Variants in NLGN1 observed in about 807,000 individuals in gnomAD.
The protein encoded by NLGN1 is neuroligin 1, also known as neuroligin-1.
NLGN1 carries 12 observed loss-of-function variants against 65.5 expected under a neutral mutation model. The observed-to-expected ratio is 0.18, with a 90% CI of 0.12 to 0.30. The LOEUF (loss-of-function observed/expected upper bound fraction) is 0.30, where lower values mean the gene tolerates loss of function less well. Ranked by LOEUF, NLGN1 falls within the 10% of genes least tolerant of loss-of-function variation. The probability of loss-of-function intolerance (pLI) is 1.00; values close to 1 mark genes in which losing one functional copy is unlikely to be tolerated. For missense variants in NLGN1, 750 were observed against 1,007.1 expected (o/e 0.74, Z 3.46); for synonymous variants, 350 against 359.5 (o/e 0.97, Z 0.30).
At chr3:173,437,268 T>C (rs140337486) in intron 2 of NLGN1, among the ~76,000 whole-genome samples, 1 of 152,170 alleles carries the variant, frequency 6.6e-6, no homozygotes, top group Admixed American at 6.6e-5. Flanking sequence ...GCTGTTGGTA[T>C]TGTCTGTCAC....
intron 4 of NLGN1, among the ~76,000 whole-genome samples, chr3:173,918,781 C>G (rs1490088302): frequency 6.0e-5 from 9 of 149,682 alleles, no homozygotes; most frequent in African/African-American, 2.2e-4. Flanking sequence ...TTTCCCATTG[C>G]TGTTGTAACA....
intron 4 of NLGN1, among the ~76,000 whole-genome samples, chr3:173,886,756 A>C (rs1315334588): frequency 6.6e-6 from 1 of 152,076 alleles, no homozygotes; most frequent in Non-Finnish European, 1.5e-5. Context: ...CCTAGAGGGA[A>C]GAGTGGCCTC....
chr3:173,600,200 T>TCACACACACACACACACACAC (rs1187383560), intron 2 of NLGN1, among the ~76,000 whole-genome samples: 2 of 145,100 alleles, frequency 1.4e-5, no homozygotes, highest in Non-Finnish European at 3.0e-5. Context: ...TACATGTGTG[T>TCACACACACACACACACACAC]ACACACACAC....
At position 174,191,205 on chromosome 3, in the gene NLGN1, CAAGATATTCATATGT is replaced by C. The variant is rs1732334176; in HGVS notation, c.647-84107_647-84093del. ...CTTTCAAGATTCCACAAGTTTATTGCAAGATATTCATATGTAAATTAACAGACCTGTGTAGTGATC... is the reference window on the plus strand; with the variant it reads ...CTTTCAAGATTCCACAAGTTTATTGCAAATTAACAGACCTGTGTAGTGATC... On this transcript the variant is annotated intron_variant, in intron 4 of 6. Transcript: ENST00000457714. Among the ~76,000 whole-genome samples the C allele has an allele frequency of 2.6e-5, 4 of 152,036 alleles. No homozygotes were observed. The South Asian group carries it at 8.3e-4, about 32-fold the overall frequency.
chr3:173,595,513 C>G (rs1749313802), intron 2 of NLGN1, among the ~76,000 whole-genome samples: 1 of 152,182 alleles, frequency 6.6e-6, no homozygotes, highest in Non-Finnish European at 1.5e-5. Flanking sequence ...AAGTTCCAAA[C>G]TTTCCTACAT....
intron 2 of NLGN1, among the ~76,000 whole-genome samples, chr3:173,574,024 C>G (rs1053524358): frequency 1.5e-5 from 2 of 135,502 alleles, no homozygotes; most frequent in South Asian, 2.3e-4. Context: ...GATGGCATCA[C>G]TGCACTCCAG....
At chr3:174,042,282 G>A (rs747856582) in intron 4 of NLGN1, among the ~76,000 whole-genome samples, 2 of 151,932 alleles carry the variant, frequency 1.3e-5, no homozygotes, top group Admixed American at 1.3e-4. Flanking sequence ...GTTTAAGAAA[G>A]CTTTGTCTAG....
intron 4 of NLGN1, among the ~76,000 whole-genome samples, chr3:174,073,660 G>A (rs2152538141): frequency 6.6e-6 from 1 of 152,254 alleles, no homozygotes; most frequent in South Asian, 2.1e-4. Context: ...TTGGTTGAAA[G>A]TATCACAGTT....
intron 3 of NLGN1, among the ~76,000 whole-genome samples, chr3:173,647,875 A>C (rs1442233835): frequency 2.6e-5 from 4 of 152,142 alleles, no homozygotes; most frequent in African/African-American, 4.8e-5. Context: ...ATAGAAAAGT[A>C]TTGTTGAGAT....
chr3:174,031,434 C>A (rs1361047241), intron 4 of NLGN1, among the ~76,000 whole-genome samples: 2 of 152,020 alleles, frequency 1.3e-5, no homozygotes, highest in Non-Finnish European at 2.9e-5. Context: ...TGCCAATGAT[C>A]AACAGATATT....
At chr3:173,634,013 T>C (rs1326015911) in intron 3 of NLGN1, among the ~76,000 whole-genome samples, 1 of 152,152 alleles carries the variant, frequency 6.6e-6, no homozygotes, top group Non-Finnish European at 1.5e-5. Context: ...GCCTAAGTAA[T>C]TCTCTACTAG....
chr3:173,945,869 G>A (rs1747048615), intron 4 of NLGN1, among the ~76,000 whole-genome samples: 1 of 152,180 alleles, frequency 6.6e-6, no homozygotes, highest in African/African-American at 2.4e-5. Flanking sequence ...GAAAGGACAA[G>A]GATGAGTTGC....
chr3:173,821,545 T>G (rs1396412634), intron 4 of NLGN1, among the ~76,000 whole-genome samples: 1 of 152,194 alleles, frequency 6.6e-6, no homozygotes, highest in Non-Finnish European at 1.5e-5. Flanking sequence ...CCTTAAAATA[T>G]ACCACAATTT....
chr3:174,104,371 G>A (rs1713250525), intron 4 of NLGN1, among the ~76,000 whole-genome samples: 1 of 152,068 alleles, frequency 6.6e-6, no homozygotes, highest in African/African-American at 2.4e-5. Flanking sequence ...TTTATACTAT[G>A]ATTCAGATGT....
Position 173,747,801 on chromosome 3 carries a change from C to CTTTTTTTTTTTTTTTTTTTTT in NLGN1, c.494-59869_494-59849dup, listed in dbSNP as rs749749824. 1.0e-3 allele frequency among the ~76,000 whole-genome samples: 65 copies of CTTTTTTTTTTTTTTTTTTTTT among 64,420 alleles called. 16 individuals carry two copies. The highest frequency in any genetic ancestry group is 3.3e-3 in the African/African-American group (53 of 16,098). 42.3% of individuals were successfully genotyped at this position (64,420 alleles called of 152,430 possible). A position where few individuals can be genotyped will look rare whatever the true frequency, so the allele number is the denominator to read the frequency against. On this transcript the variant is annotated intron_variant, in intron 3 of 6. Transcript: ENST00000457714. The stretch of plus-strand genomic sequence containing the variant: ...AATTTTCTTTCTTCTTCTTCTTGTT[C>CTTTTTTTTTTTTTTTTTTTTT]TTTTTTTTTTTTTTTTTTTTTTTTT...
chr3:174,042,885 A>G (rs537645084), intron 4 of NLGN1, among the ~76,000 whole-genome samples: 54 of 152,282 alleles, frequency 3.5e-4, no homozygotes, highest in Non-Finnish European at 6.2e-4. Flanking sequence ...GATGCCCTGT[A>G]TTAGTTCCTT....
At chr3:173,698,618 T>C (rs1312637339) in intron 3 of NLGN1, among the ~76,000 whole-genome samples, 2 of 152,202 alleles carry the variant, frequency 1.3e-5, no homozygotes, top group Admixed American at 1.3e-4. Context: ...ACAAAAAAAT[T>C]GGTTTTCAAA....
At chr3:173,781,360 A>G (rs894603190) in intron 3 of NLGN1, among the ~76,000 whole-genome samples, 33 of 152,088 alleles carry the variant, frequency 2.2e-4, no homozygotes, top group African/African-American at 7.5e-4. Flanking sequence ...TTGTTCTGTA[A>G]TTTGCCTTTT....
chr3:174,098,829 A>G (rs1711707469), intron 4 of NLGN1, among the ~76,000 whole-genome samples: 1 of 152,230 alleles, frequency 6.6e-6, no homozygotes, highest in African/African-American at 2.4e-5. Context: ...CTGAATATAA[A>G]GCAAATGCAT....
Sources: gnomAD v4.1 joint callset for allele counts (sites outside exome capture counted in the v4.1 genomes callset) on GRCh38, gnomAD v4.1.1 for gene constraint, MANE v1.5 for transcripts, NCBI Gene and HGNC (gene_info 2026-07-23, HGNC 2026-07-21) for gene names.